Variants in LRRC4C observed in about 807,000 individuals in gnomAD.
LRRC4C encodes the protein leucine rich repeat containing 4C, also known as leucine-rich repeat-containing protein 4C.
Under a neutral mutation model 33.6 loss-of-function variants are expected in LRRC4C, and 5 were observed. That is an observed-to-expected ratio of 0.15 (90% confidence interval 0.08 to 0.31). LRRC4C has a LOEUF of 0.31. Ranked by LOEUF, LRRC4C falls within the 10% of genes least tolerant of loss-of-function variation. The pLI, the probability that LRRC4C is intolerant of heterozygous loss-of-function variation, is 1.00. For missense variants in LRRC4C, 560 were observed against 796.7 expected, an observed-to-expected ratio of 0.70 and a Z score of 3.58; for synonymous variants, 329 against 302.0, an observed-to-expected ratio of 1.09 and a Z score of -0.93.
At chr11:40,544,011 G>T (rs1480102775) in intron 3 of LRRC4C, among the ~76,000 whole-genome samples, 11 of 152,066 alleles carry the variant, frequency 7.2e-5, no homozygotes, top group African/African-American at 2.7e-4. Flanking sequence ...ACGGTTGATA[G>T]AGAAAGAAAA....
intron 2 of LRRC4C, among the ~76,000 whole-genome samples, chr11:40,766,505 TAAG>T (rs1366676819): frequency 1.3e-5 from 2 of 151,490 alleles, no homozygotes; most frequent in African/African-American, 4.9e-5. Context: ...GTCTTGATTA[TAAG>T]AAGAAAAAGA....
chr11:40,721,921 G>T (rs1048422265), intron 2 of LRRC4C, among the ~76,000 whole-genome samples: 1 of 152,030 alleles, frequency 6.6e-6, no homozygotes. Flanking sequence ...ATCCAGCCTG[G>T]GCGACAGAGC....
intron 4 of LRRC4C, among the ~76,000 whole-genome samples, chr11:40,259,730 G>A (rs78925530): frequency 0.17 from 26,434 of 151,872 alleles, 2,678 homozygotes; most frequent in Admixed American, 0.28. Context: ...GTAGATATGC[G>A]GCGTTATTTC....
At chr11:40,912,925 T>C (rs941988708) in intron 2 of LRRC4C, among the ~76,000 whole-genome samples, 13 of 151,914 alleles carry the variant, frequency 8.6e-5, no homozygotes, top group African/African-American at 2.4e-4. Context: ...GACTTTAAAC[T>C]AACAAAGATC....
At chr11:40,342,852 A>G (rs1221193585) in intron 3 of LRRC4C, among the ~76,000 whole-genome samples, 1 of 151,978 alleles carries the variant, frequency 6.6e-6, no homozygotes, top group Non-Finnish European at 1.5e-5. Flanking sequence ...TTTCCTTTAT[A>G]TCTATCTATC....
At chr11:40,307,006 C>CTATCTA (rs1555013487) in intron 4 of LRRC4C, among the ~76,000 whole-genome samples, 3 of 150,684 alleles carry the variant, frequency 2.0e-5, no homozygotes, top group East Asian at 3.9e-4. Flanking sequence ...ATCTATGTAT[C>CTATCTA]TATCTATCTA....
chr11:40,483,289 G>A (rs554657575), intron 3 of LRRC4C, among the ~76,000 whole-genome samples: 9 of 152,242 alleles, frequency 5.9e-5, no homozygotes, highest in South Asian at 2.1e-4. Flanking sequence ...TGAAAGTCAC[G>A]GAGGAAATGA....
chr11:40,310,811 TA>T (rs1307561616), intron 4 of LRRC4C, among the ~76,000 whole-genome samples: 1 of 152,228 alleles, frequency 6.6e-6, no homozygotes, highest in Non-Finnish European at 1.5e-5. Context: ...CTTTATTTAT[TA>T]GAATTAAGCA....
intron 3 of LRRC4C, among the ~76,000 whole-genome samples, chr11:40,476,673 C>T (rs1338686841): frequency 6.6e-6 from 1 of 152,138 alleles, no homozygotes; most frequent in Non-Finnish European, 1.5e-5. Flanking sequence ...ACATTAAATT[C>T]TAACTTCTTT....
At chr11:41,354,918 C>G (rs1952105902) in intron 1 of LRRC4C, among the ~76,000 whole-genome samples, 1 of 151,936 alleles carries the variant, frequency 6.6e-6, no homozygotes, top group African/African-American at 2.4e-5. Flanking sequence ...TAGGAAATAC[C>G]ATTCTGGACA....
intron 5 of LRRC4C, among the ~76,000 whole-genome samples, chr11:40,221,466 G>A (rs1268382206): frequency 6.6e-6 from 1 of 152,108 alleles, no homozygotes; most frequent in Non-Finnish European, 1.5e-5. Context: ...AGAGTTCAGT[G>A]AAGAATGCCA....
At chr11:40,256,136 T>C (rs1224996337) in intron 4 of LRRC4C, among the ~76,000 whole-genome samples, 1 of 152,222 alleles carries the variant, frequency 6.6e-6, no homozygotes, top group Non-Finnish European at 1.5e-5. Context: ...GCCAACTGAC[T>C]ATAAGGATTT....
At chr11:40,364,242 A>T (rs75202494) in intron 3 of LRRC4C, among the ~76,000 whole-genome samples, 80 of 152,222 alleles carry the variant, frequency 5.3e-4, no homozygotes, top group African/African-American at 1.8e-3. Context: ...TCTAAAACAA[A>T]CAAAAAAATC....
chr11:40,690,378 G>A (rs1945169647), intron 2 of LRRC4C, among the ~76,000 whole-genome samples: 1 of 152,016 alleles, frequency 6.6e-6, no homozygotes, highest in Non-Finnish European at 1.5e-5. Context: ...ATAAATGAAG[G>A]CCACCCAAAT....
rs1423849695 is a variant in LRRC4C, at chr11:40,116,354, A to G, written c.-42-20T>C. 5.3e-6 allele frequency: 8 copies of G among 1,517,370 alleles called. No individual in the cohort carries two copies. Among genetic ancestry groups the G allele is most frequent in the African/African-American group, 2.8e-5 (2 of 71,718 alleles). 94.0% of individuals were successfully genotyped at this position (1,517,370 alleles called of 1,614,324 possible). A position where few individuals can be genotyped will look rare whatever the true frequency, so the allele number is the denominator to read the frequency against. On this transcript the variant is annotated intron_variant, in intron 6 of 6. Transcript: ENST00000528697. ...AACAGTCTGCAAAATACAAGCAAAA[A>G]AAACCAATTATTAGATTAGATTTAT... is the stretch of plus-strand genomic sequence containing the variant.
chr11:40,284,351 T>C (rs1943690915), intron 4 of LRRC4C, among the ~76,000 whole-genome samples: 1 of 152,190 alleles, frequency 6.6e-6, no homozygotes, highest in Non-Finnish European at 1.5e-5. Flanking sequence ...CTGGATTTCA[T>C]TCTAAAAACA....
At chr11:40,289,484 C>A (rs932790682) in intron 4 of LRRC4C, among the ~76,000 whole-genome samples, 8 of 152,162 alleles carry the variant, frequency 5.3e-5, no homozygotes, top group Non-Finnish European at 8.8e-5. Flanking sequence ...AACCCAGTAG[C>A]TTTCTGGGCA....
In LRRC4C at chr11:41,240,179, A is replaced by AT. The variant is rs577308558; in HGVS notation, c.-496+219251dup. ...AAAAAGGGAAAATGGAAAACTTTAG[A>AT]TTTTTTGTGTATCATGAGATTTCCA... is the stretch of plus-strand genomic sequence containing the variant. On this transcript the variant is annotated intron_variant, in intron 1 of 6. Coordinates refer to ENST00000528697, the MANE Select transcript of LRRC4C (RefSeq NM_001258419.2). Among the ~76,000 whole-genome samples the AT allele has an allele frequency of 7.9e-5, 12 of 152,296 alleles. No homozygotes were observed. In the South Asian group the frequency reaches 1.5e-3, roughly 18 times the overall value.
intron 3 of LRRC4C, among the ~76,000 whole-genome samples, chr11:40,454,481 T>G (rs1952042082): frequency 6.6e-6 from 1 of 152,168 alleles, no homozygotes; most frequent in Admixed American, 6.5e-5. Context: ...CTGCTCATCT[T>G]TCTAACTCAC....
Sources: allele counts gnomAD v4.1 joint callset (sites outside exome capture counted in the v4.1 genomes callset), GRCh38; gene constraint gnomAD v4.1.1; transcripts MANE v1.5; gene names NCBI Gene and HGNC (gene_info 2026-07-23, HGNC 2026-07-21).